Variants in IPO7 observed in about 807,000 individuals in gnomAD.
IPO7 encodes importin 7, also known as importin-7.
Under a neutral mutation model 136.4 loss-of-function variants are expected in IPO7, and 13 were observed. The observed-to-expected ratio is 0.10, with a 90% confidence interval of 0.06 to 0.15. IPO7 has a LOEUF of 0.15. IPO7 is among the 10% of genes least tolerant of loss of function. IPO7 has a pLI of 1.00. For synonymous variants in IPO7, 403 were observed against 404.4 expected, an observed-to-expected ratio of 1.00 and a Z score of 0.04; for missense variants, 857 against 1,240.6, an observed-to-expected ratio of 0.69 and a Z score of 4.65.
chr11:9,432,799 G>A (rs1359842157), intron 16 of IPO7, among the ~76,000 whole-genome samples: 1 of 152,070 alleles, frequency 6.6e-6, no homozygotes, highest in Admixed American at 6.6e-5. Flanking sequence ...TGGGGGCTGA[G>A]TTCACATTCC....
intron 1 of IPO7, among the ~76,000 whole-genome samples, chr11:9,390,766 A>ATAGGGAGACCAAGTCAC (rs146167125): frequency 2.0e-5 from 3 of 152,012 alleles, no homozygotes; most frequent in African/African-American, 7.3e-5. Flanking sequence ...CCTGGGCAAC[A>ATAGGGAGACCAAGTCAC]TACAAAAAAA....
intron 12 of IPO7, among the ~76,000 whole-genome samples, chr11:9,427,383 C>T (rs1010185241): frequency 6.6e-6 from 1 of 152,114 alleles, no homozygotes; most frequent in Non-Finnish European, 1.5e-5. Flanking sequence ...GCCTCAGCCT[C>T]CCGAGTAGCT....
At position 9,442,160 on chromosome 11, in the gene IPO7, C is replaced by A; in HGVS notation, c.2982C>A (p.Asp994Glu). 6.2e-7 allele frequency: 1 copy of A among 1,602,210 alleles called. No individual in the cohort carries two copies. The highest frequency in any genetic ancestry group is 8.6e-7 in the Non-Finnish European group (1 of 1,169,356). ...LNEEQRKQLQ[D>E]IATLADQRRA... ...AAGAACAAAGAAAACAGTTACAGGA[C>A]ATAGCAACTCTGGCTGATCAAAGAA... The change falls in exon 24 of 25, where the codon GAC becomes GAA. Residue 994 changes from aspartate (D) to glutamate (E), a missense_variant. This residue lies in a region of IPO7 where 119 missense variants were observed against 155.5 expected (regional missense o/e 0.77). Transcript: ENST00000379719.
chr11:9,397,929 T>C (rs894361061), intron 1 of IPO7, among the ~76,000 whole-genome samples: 1 of 152,236 alleles, frequency 6.6e-6, no homozygotes, highest in Admixed American at 6.5e-5. Context: ...CTGAATCAAC[T>C]TGTTGAAGGC....
intron 8 of IPO7, among the ~76,000 whole-genome samples, chr11:9,421,657 T>C: frequency 7.2e-6 from 1 of 138,870 alleles, no homozygotes; most frequent in Middle Eastern, 5.2e-3. Flanking sequence ...GAAAAACTTG[T>C]TCTAAGGCTG....
Position 9,409,930 on chromosome 11 carries a change from T to C in IPO7, c.323T>C (p.Val108Ala). The C allele has an allele frequency of 6.5e-7, 1 of 1,544,528 alleles. No individual in the cohort carries two copies. Among genetic ancestry groups the C allele is most frequent in the East Asian group, 2.4e-5 (1 of 41,516 alleles). The change falls in exon 4 of 25, where the codon GTA becomes GCA. Residue 108 changes from valine (V) to alanine (A), a missense_variant and splice_region_variant. Around this residue, in one of 11 missense-constraint regions of IPO7, gnomAD observed 287 missense variants for 307.5 expected, o/e 0.93. Coordinates refer to ENST00000379719, the MANE Select transcript of IPO7 (RefSeq NM_006391.3). ...TACTGTTTTTTTTTGGCTTCCAGGG[T>C]ACAGCTTACTACATGCATTCATCAC... The part of the protein sequence containing the change: ...AIIHSPELIR[V>A]QLTTCIHHII...
Position 9,423,963 on chromosome 11 carries a change from G to T in IPO7, c.1141+87G>T, listed in dbSNP as rs762138496. 1.6e-5 allele frequency: 11 copies of T among 708,098 alleles called. No individual in the cohort carries two copies. The East Asian group carries it at 2.9e-4, about 19-fold the overall frequency. The allele number at this position is 708,098 out of a possible 1,614,324, so 43.9% of individuals were successfully genotyped here. ...ATGTAGCCAACCTAGGGGGTATTAT[G>T]TATCTTCTTTGTTGTTTTAATGTAA... On this transcript the variant is annotated intron_variant, in intron 10 of 24. Coordinates refer to ENST00000379719, the MANE Select transcript of IPO7 (RefSeq NM_006391.3).
chr11:9,420,587 A>G, intron 7 of IPO7, 27 bp from the exon 8 acceptor site: 2 of 1,584,284 alleles, frequency 1.3e-6, no homozygotes, highest in South Asian at 1.1e-5. Flanking sequence ...TTATAAAGAA[A>G]CAATGGGCAT....
In IPO7 at chr11:9,430,913, T is replaced by C. The variant is rs777125387; in HGVS notation, c.1791T>C (p.Asp597=). ...TFNQVIQTGP[D]EEGSDDKAVT... is the part of the protein sequence containing the mutation. ...ACCAAGTAATCCAGACGGGGCCAGA[T>C]GAAGAAGGTAGTGATGACAAAGCAG... Residue 597 remains aspartate, a synonymous_variant, in exon 16 of 25, where the codon GAT becomes GAC. Coordinates refer to ENST00000379719, the MANE Select transcript of IPO7 (RefSeq NM_006391.3). 6.2e-7 allele frequency: 1 copy of C among 1,611,944 alleles called. No homozygotes were observed. The highest frequency in any genetic ancestry group is 1.1e-5 in the South Asian group (1 of 91,010).
Position 9,445,806 on chromosome 11 carries a change from A to T in IPO7, c.*612A>T, listed in dbSNP as rs1234455190. 1 of 151,106 alleles carries T rather than the reference A, an allele frequency of 6.6e-6. No homozygotes were observed. Among genetic ancestry groups the T allele is most frequent in the Non-Finnish European group, 1.5e-5 (1 of 67,832 alleles). The allele number at this position is 151,106 out of a possible 1,614,324, so 9.4% of individuals were successfully genotyped here. ...AATCTGTAAATGAATTAGCACTTTC[A>T]TATTGAAACAAGCCTGCTAGCCTAT... On this transcript the variant is annotated 3_prime_UTR_variant, in exon 25 of 25. Transcript: ENST00000379719.
rs549011032 is a variant in IPO7, at chr11:9,439,088, A to G, written c.2695+803A>G. 1.3e-5 allele frequency among the ~76,000 whole-genome samples: 2 copies of G among 152,252 alleles called. 1 individual carries two copies. The highest frequency in any genetic ancestry group is 4.1e-4 in the South Asian group (2 of 4,828). ...CAGGAGTTTGATTCCAGCCTGGGTA[A>G]CATAGTGAAACCCCAGTTTTTTGTT... On this transcript the variant is annotated intron_variant, in intron 22 of 24. Transcript: ENST00000379719.
chr11:9,417,024 G>C (rs750002718), intron 5 of IPO7, 35 bp from the exon 6 acceptor site: 1 of 985,288 alleles, frequency 1.0e-6, no homozygotes, highest in East Asian at 2.4e-5. Flanking sequence ...TCTTTAGCAA[G>C]GATTTCGAAA....
At chr11:9,436,607 A>G (rs1855372068) in intron 20 of IPO7, among the ~76,000 whole-genome samples, 4 of 151,804 alleles carry the variant, frequency 2.6e-5, no homozygotes, top group African/African-American at 9.6e-5. Context: ...CTTTTGCTTA[A>G]GATTTTTTGG....
rs928690310 is a variant in IPO7, at chr11:9,390,155, T to G, written c.84+5308T>G. 2.6e-5 allele frequency among the ~76,000 whole-genome samples: 4 copies of G among 152,224 alleles called. No homozygotes were observed. The South Asian group carries it at 8.3e-4, about 31-fold the overall frequency. On this transcript the variant is annotated intron_variant, in intron 1 of 24. Coordinates refer to ENST00000379719, the MANE Select transcript of IPO7 (RefSeq NM_006391.3). Reference sequence around the variant, plus strand: ...ATCCGTCCGTCTTGGCCTCCCAAAGTGCTGGGATTACAGGCCTGAGCCACC... The same window carrying G: ...ATCCGTCCGTCTTGGCCTCCCAAAGGGCTGGGATTACAGGCCTGAGCCACC...
At chr11:9,411,845 A>G (rs971762046) in intron 4 of IPO7, among the ~76,000 whole-genome samples, 1 of 152,210 alleles carries the variant, frequency 6.6e-6, no homozygotes, top group Admixed American at 6.5e-5. Flanking sequence ...ATTAACAACT[A>G]GTACCACTCA....
At chr11:9,419,571 T>A (rs1417025283) in intron 6 of IPO7, among the ~76,000 whole-genome samples, 42 of 141,666 alleles carry the variant, frequency 3.0e-4, no homozygotes, top group East Asian at 1.5e-3. Flanking sequence ...TATATATATA[T>A]ATATATATAT....
chr11:9,424,364 T>C lies in IPO7; in HGVS notation c.1141+488T>C, dbSNP rs993666945. On this transcript the variant is annotated intron_variant, in intron 10 of 24. Coordinates refer to ENST00000379719, the MANE Select transcript of IPO7 (RefSeq NM_006391.3). Reference sequence around the variant, plus strand: ...GTTGTGAAAATTCTCACATCAGTAGTGTTTCATACATACGATTTAAACTGC... The same window carrying C: ...GTTGTGAAAATTCTCACATCAGTAGCGTTTCATACATACGATTTAAACTGC... 2.0e-5 allele frequency among the ~76,000 whole-genome samples: 3 copies of C among 152,342 alleles called. No individual in the cohort carries two copies. The South Asian group carries it at 6.2e-4, about 32-fold the overall frequency.
chr11:9,429,084 C>G lies in IPO7; in HGVS notation c.1479C>G (p.Asn493Lys). The G allele has an allele frequency of 6.2e-7, 1 of 1,613,870 alleles. No individual in the cohort carries two copies. Among genetic ancestry groups the G allele is most frequent in the Non-Finnish European group, 8.5e-7 (1 of 1,179,772 alleles). The change falls in exon 14 of 25, where the codon AAC (asparagine) becomes AAG (lysine). Residue 493 changes from asparagine (N) to lysine (K), a missense_variant. Transcript: ENST00000379719. Reference sequence around the variant, plus strand: ...AAGTGAAGTTCAAAAGTGATCAGAACCTTCAAACAGCCTTAGAGCTAACAA... The same window carrying G: ...AAGTGAAGTTCAAAAGTGATCAGAAGCTTCAAACAGCCTTAGAGCTAACAA... ...FCEVKFKSDQ[N>K]LQTALELTRR... is the part of the protein sequence containing the mutation.
At chr11:9,428,021 C>A (rs559032041) in intron 12 of IPO7, among the ~76,000 whole-genome samples, 28 of 151,926 alleles carry the variant, frequency 1.8e-4, no homozygotes, top group South Asian at 6.2e-4. Context: ...CTGAGAGTGC[C>A]TTTTTAGAGA....
Sources: gnomAD v4.1 joint callset for allele counts (sites outside exome capture counted in the v4.1 genomes callset) on GRCh38, gnomAD v4.1.1 for gene constraint, gnomAD v4.1.1 regional missense constraint, MANE v1.5 for transcripts, NCBI Gene and HGNC (gene_info 2026-07-23, HGNC 2026-07-21) for gene names.